Variants in NBAS observed in about 807,000 individuals in gnomAD.
NBAS encodes NAG/BC035112 fusion.
NBAS carries 219 observed loss-of-function variants against 302.5 expected under a neutral mutation model. That is an observed-to-expected ratio of 0.72 (90% confidence interval 0.65 to 0.81). The LOEUF is 0.81. Among genes scored for constraint, NBAS ranks in the 30% least tolerant of loss-of-function variants. NBAS has a pLI of 0.00. For missense variants in NBAS, 2,932 were observed against 2,841.6 expected (o/e 1.03, Z -0.72); for synonymous variants, 1,118 against 1,021.6 (o/e 1.09, Z -1.80).
intron 11 of NBAS, among the ~76,000 whole-genome samples, chr2:15,493,801 T>C (rs905916874): frequency 7.3e-5 from 11 of 151,102 alleles, no homozygotes; most frequent in Non-Finnish European, 1.5e-5. Context: ...GTAAAAGCAA[T>C]AAAATTTATA....
the NBAS span, among the ~76,000 whole-genome samples, chr2:14,818,028 C>G: frequency 6.6e-6 from 1 of 152,110 alleles, no homozygotes. Flanking sequence ...TTTTCCCACC[C>G]ACGAAGTTCA....
the NBAS span, among the ~76,000 whole-genome samples, chr2:15,090,840 A>G: frequency 0.064 from 9,728 of 152,278 alleles, 540 homozygotes; most frequent in African/African-American, 0.12. Flanking sequence ...CTAGCCTTAC[A>G]TAGCCTAAAC....
Position 15,366,821 on chromosome 2 carries a change from T to C in NBAS, c.3704-128A>G, listed in dbSNP as rs111366780. On this transcript the variant is annotated intron_variant, in intron 31 of 51. Coordinates refer to ENST00000281513, the MANE Select transcript of NBAS (RefSeq NM_015909.4). The stretch of plus-strand genomic sequence containing the variant: ...AGGCATCAGATGAAGGAGAATTAAG[T>C]AAAAGTAAAAGGCACGTTTAACAAA... 1,044 of 798,600 alleles carry C rather than the reference T, an allele frequency of 1.3e-3. 10 individuals are homozygous for C. In the African/African-American group the frequency reaches 0.015, roughly 12 times the overall value. The allele number at this position is 798,600 out of a possible 1,614,324, so 49.5% of individuals were successfully genotyped here.
chr2:15,161,749 T>C, the NBAS span, among the ~76,000 whole-genome samples: 1 of 152,088 alleles, frequency 6.6e-6, no homozygotes, highest in African/African-American at 2.4e-5. Context: ...TCCACCTAAG[T>C]CTCCTGATTT....
chr2:15,051,546 T>C, the NBAS span, among the ~76,000 whole-genome samples: 1 of 152,264 alleles, frequency 6.6e-6, no homozygotes, highest in Admixed American at 6.5e-5. Context: ...ATGGACATAA[T>C]AATAAAATCT....
chr2:14,889,514 T>C, the NBAS span, among the ~76,000 whole-genome samples: 1 of 152,200 alleles, frequency 6.6e-6, no homozygotes, highest in Non-Finnish European at 1.5e-5. Context: ...GGAGTCCGCA[T>C]AGCTGGACCC....
intron 48 of NBAS, among the ~76,000 whole-genome samples, chr2:15,212,639 G>A (rs1666467107): frequency 6.6e-6 from 1 of 152,168 alleles, no homozygotes; most frequent in Non-Finnish European, 1.5e-5. Flanking sequence ...ATCCCCACGT[G>A]TAGTGGAAGG....
At chr2:15,068,433 A>G in the NBAS span, among the ~76,000 whole-genome samples, 4 of 152,242 alleles carry the variant, frequency 2.6e-5, no homozygotes, top group African/African-American at 7.2e-5. Flanking sequence ...GGAAGGTTCT[A>G]GGTATGAATC....
At chr2:15,374,544 A>G in intron 31 of NBAS, 64 bp downstream of exon 31, 1 of 1,387,052 alleles carries the variant, frequency 7.2e-7, no homozygotes, top group Admixed American at 1.7e-5. Flanking sequence ...AAAACTAAAA[A>G]AGAATACTAG....
At chr2:15,243,368 C>T (rs1236801683) in intron 44 of NBAS, among the ~76,000 whole-genome samples, 1 of 151,984 alleles carries the variant, frequency 6.6e-6, no homozygotes, top group Non-Finnish European at 1.5e-5. Context: ...AACATGGGGC[C>T]CAGATGGTGC....
At chr2:14,976,644 A>G in the NBAS span, among the ~76,000 whole-genome samples, 4 of 152,230 alleles carry the variant, frequency 2.6e-5, no homozygotes, top group East Asian at 7.7e-4. Context: ...ATGTGACTTT[A>G]TTTGAAAAAA....
At chr2:14,938,468 C>A in the NBAS span, among the ~76,000 whole-genome samples, 406 of 152,244 alleles carry the variant, frequency 2.7e-3, 4 homozygotes, top group African/African-American at 9.4e-3. Context: ...AAATTTGAAA[C>A]CTGATCAGTC....
At chr2:14,912,702 T>TAAAAAA in the NBAS span, among the ~76,000 whole-genome samples, 13 of 101,290 alleles carry the variant, frequency 1.3e-4, no homozygotes, top group African/African-American at 4.9e-4. Flanking sequence ...GCATTCATTT[T>TAAAAAA]TAAAAAAAAA....
chr2:15,484,410 C>A (rs979878268), intron 12 of NBAS, among the ~76,000 whole-genome samples: 1 of 152,092 alleles, frequency 6.6e-6, no homozygotes, highest in Non-Finnish European at 1.5e-5. Flanking sequence ...CTCAAGTTAA[C>A]CTCTTTTAGC....
chr2:15,350,427 G>A (rs1037409720), intron 35 of NBAS, among the ~76,000 whole-genome samples: 2 of 152,094 alleles, frequency 1.3e-5, no homozygotes, highest in Non-Finnish European at 2.9e-5. Flanking sequence ...GAATCATCAC[G>A]TCTTAATTTG....
intron 48 of NBAS, among the ~76,000 whole-genome samples, chr2:15,198,455 G>A (rs961696580): frequency 6.6e-6 from 1 of 152,176 alleles, no homozygotes; most frequent in African/African-American, 2.4e-5. Context: ...TGGACATGTA[G>A]AGGTAAGGGA....
intron 46 of NBAS, among the ~76,000 whole-genome samples, chr2:15,233,673 T>C (rs1208663841): frequency 6.6e-6 from 1 of 152,188 alleles, no homozygotes; most frequent in Admixed American, 6.5e-5. Flanking sequence ...AATTTGTTCT[T>C]TTTTAGAAAA....
At chr2:14,880,749 C>T in the NBAS span, among the ~76,000 whole-genome samples, 591 of 151,994 alleles carry the variant, frequency 3.9e-3, 14 homozygotes, top group Admixed American at 0.026. Flanking sequence ...TGTAACAGAA[C>T]TAATATTTAA....
chr2:14,968,536 C>T, the NBAS span, among the ~76,000 whole-genome samples: 2 of 152,110 alleles, frequency 1.3e-5, no homozygotes, highest in African/African-American at 4.8e-5. Flanking sequence ...CTCTTGGCTT[C>T]AAGAAATCCT....
Sources: allele counts gnomAD v4.1 joint callset (sites outside exome capture counted in the v4.1 genomes callset), GRCh38; gene constraint gnomAD v4.1.1; transcripts MANE v1.5; gene names NCBI Gene and HGNC (gene_info 2026-07-23, HGNC 2026-07-21).